Variants in PTPN13 observed in about 807,000 individuals in gnomAD.
PTPN13 encodes protein tyrosine phosphatase non-receptor type 13.
Under a neutral mutation model 284.0 loss-of-function variants are expected in PTPN13, and 191 were observed. The ratio of observed to expected loss-of-function variants is 0.67; its 90% CI spans 0.60 to 0.76. The LOEUF (loss-of-function observed/expected upper bound fraction) is 0.76, where lower values mean the gene tolerates loss of function less well. Among genes scored for constraint, PTPN13 ranks in the 30% least tolerant of loss-of-function variants. The pLI, the probability that PTPN13 is intolerant of heterozygous loss-of-function variation, is 0.00. For synonymous variants in PTPN13, 986 were observed against 1,022.3 expected (o/e 0.96, Z 0.68); for missense variants, 2,797 against 2,939.9 (o/e 0.95, Z 1.12).
chr4:86,780,647 T>C (rs1741199768), intron 36 of PTPN13, among the ~76,000 whole-genome samples, 175 bp downstream of exon 36: 1 of 152,178 alleles, frequency 6.6e-6, no homozygotes, highest in South Asian at 2.1e-4. Flanking sequence ...ATATTCTACA[T>C]AAAAACTTGG....
In PTPN13 at chr4:86,686,712, C is replaced by T; in HGVS notation, c.297C>T (p.Ile99=). ...SLTSLSDVEK[I]HIYSLGMTLY... ...TTTCTTAAAAATTCTATTCCTAGATCCACATTTATTCTCTTGGAATGACAC... is the reference window on the plus strand; with the variant it reads ...TTTCTTAAAAATTCTATTCCTAGATTCACATTTATTCTCTTGGAATGACAC... Residue 99 remains isoleucine (I), a splice_region_variant and synonymous_variant, in exon 4 of 48, where the codon ATC becomes ATT. Coordinates refer to ENST00000411767, the MANE Select transcript of PTPN13 (RefSeq NM_080683.3). 2.6e-6 allele frequency: 4 copies of T among 1,552,360 alleles called. No individual in the cohort carries two copies. The highest frequency in any genetic ancestry group is 3.5e-6 in the Non-Finnish European group (4 of 1,143,614).
At chr4:86,617,758 A>G (rs527377392) in intron 1 of PTPN13, among the ~76,000 whole-genome samples, 1 of 152,098 alleles carries the variant, frequency 6.6e-6, no homozygotes, top group East Asian at 1.9e-4. Context: ...GATATCCTTC[A>G]CCCACTTTTT....
At chr4:86,683,953 AAGAAGC>A (rs1295075381) in intron 3 of PTPN13, among the ~76,000 whole-genome samples, 1 of 152,222 alleles carries the variant, frequency 6.6e-6, no homozygotes, top group Non-Finnish European at 1.5e-5. Flanking sequence ...ACTATTTGGA[AAGAAGC>A]TTAAAGAGAA....
At chr4:86,689,353 C>T (rs1729780494) in intron 5 of PTPN13, among the ~76,000 whole-genome samples, 163 bp downstream of exon 5, 1 of 152,026 alleles carries the variant, frequency 6.6e-6, no homozygotes, top group Non-Finnish European at 1.5e-5. Context: ...TGAAACAATA[C>T]TTAAAATTTA....
intron 23 of PTPN13, among the ~76,000 whole-genome samples, chr4:86,762,071 C>T (rs1481686437): frequency 6.6e-6 from 1 of 152,226 alleles, no homozygotes; most frequent in Non-Finnish European, 1.5e-5. Context: ...CTCCCAGGTT[C>T]AAGTGATTCT....
At chr4:86,739,969 G>A (rs11930689) in intron 15 of PTPN13, among the ~76,000 whole-genome samples, 7,033 of 152,264 alleles carry the variant, frequency 0.046, 539 homozygotes, top group African/African-American at 0.16. Context: ...TCTCACATCC[G>A]GGTCAAGCTG....
At chr4:86,624,499 A>G (rs763560204) in intron 1 of PTPN13, among the ~76,000 whole-genome samples, 19 of 152,216 alleles carry the variant, frequency 1.2e-4, no homozygotes, top group Non-Finnish European at 1.3e-4. Flanking sequence ...CACTCAAAAT[A>G]GCCCTTTGTT....
chr4:86,754,326 A>G (rs1263698141), intron 20 of PTPN13, among the ~76,000 whole-genome samples: 1 of 152,104 alleles, frequency 6.6e-6, no homozygotes, highest in African/African-American at 2.4e-5. Flanking sequence ...GACTGAATTT[A>G]GAATGCCTAT....
intron 7 of PTPN13, among the ~76,000 whole-genome samples, chr4:86,704,210 T>C (rs1239869088): frequency 6.6e-6 from 1 of 152,132 alleles, no homozygotes. Flanking sequence ...TAATTTCTAA[T>C]GTTTTTATGT....
intron 35 of PTPN13, among the ~76,000 whole-genome samples, chr4:86,779,080 A>T (rs1165738287): frequency 6.6e-6 from 1 of 151,350 alleles, no homozygotes; most frequent in Admixed American, 6.6e-5. Context: ...AAAAAAAAAA[A>T]GATGACAAAG....
chr4:86,647,888 T>G (rs1408746464), intron 2 of PTPN13, among the ~76,000 whole-genome samples: 1 of 152,082 alleles, frequency 6.6e-6, no homozygotes, highest in Non-Finnish European at 1.5e-5. Context: ...GATTTTGCAC[T>G]TTTACAAAAG....
In PTPN13 at chr4:86,741,673, C is replaced by T. The variant is rs762140929; in HGVS notation, c.2344C>T (p.Arg782Ter). 11 of 1,613,476 alleles carry T rather than the reference C, an allele frequency of 6.8e-6. No individual in the cohort carries two copies. The Admixed American group carries it at 1.0e-4, about 15-fold the overall frequency. ...GACAGAATATGGAGTTCATTTTCACCGAGTGCACCCTGAGAAGAAGTCACA... is the reference window on the plus strand; with the variant it reads ...GACAGAATATGGAGTTCATTTTCACTGAGTGCACCCTGAGAAGAAGTCACA... ...RLTEYGVHFH[R>*]VHPEKKSQTG... Residue 782 changes from arginine to a stop codon, truncating the protein, a stop_gained, in exon 16 of 48, where the codon CGA becomes TGA. Transcript: ENST00000411767. LOFTEE classifies it high-confidence loss of function.
chr4:86,606,543 TCTC>T lies in PTPN13; in HGVS notation c.-6+11758_-6+11760del, dbSNP rs1045544483. On this transcript the variant is annotated intron_variant, in intron 1 of 47. Coordinates refer to ENST00000411767, the MANE Select transcript of PTPN13 (RefSeq NM_080683.3). ...AATGAAATAATGAAAATAATTCTAT[TCTC>T]CTCTTACAAATTAGCATTATACTTG... Among the ~76,000 whole-genome samples the T allele has an allele frequency of 2.2e-4, 34 of 151,862 alleles. 1 individual carries two copies. Among genetic ancestry groups the T allele is most frequent in the Non-Finnish European group, 1.9e-4 (13 of 67,782 alleles).
chr4:86,734,897 A>G, intron 14 of PTPN13, 22 bp downstream of exon 14: 1 of 1,602,534 alleles, frequency 6.2e-7, no homozygotes, highest in Non-Finnish European at 8.5e-7. Flanking sequence ...GTTTTTTTCC[A>G]GGACCATTTT....
Position 86,807,874 on chromosome 4 carries a change from G to A in PTPN13, c.7060G>A (p.Ala2354Thr), listed in dbSNP as rs765971016. Residue 2354 changes from alanine (A) to threonine (T), a missense_variant, in exon 45 of 48, where the codon GCA becomes ACA. Ala to Thr is a moderately conservative substitution (Grantham distance 58, BLOSUM62 0). Transcript: ENST00000411767. ...MQQLKGFVVR[A>T]MTLEDIQTRE... ...GCAGCTGAAGGGCTTTGTGGTGAGG[G>A]CAATGACCCTTGAAGATATTCAGGT... is the stretch of plus-strand genomic sequence containing the variant. 1.7e-5 allele frequency: 27 copies of A among 1,613,022 alleles called. No individual in the cohort carries two copies. The highest frequency in any genetic ancestry group is 2.2e-5 in the Non-Finnish European group (26 of 1,179,342).
intron 7 of PTPN13, among the ~76,000 whole-genome samples, chr4:86,706,956 C>T (rs924898517): frequency 6.6e-6 from 1 of 151,902 alleles, no homozygotes; most frequent in Non-Finnish European, 1.5e-5. Context: ...TATTTTCTAC[C>T]TCTTCAACTC....
Position 86,751,283 on chromosome 4 carries a change from C to T in PTPN13, c.3166+159C>T, listed in dbSNP as rs142477547. On this transcript the variant is annotated intron_variant, in intron 19 of 47. Coordinates refer to ENST00000411767, the MANE Select transcript of PTPN13 (RefSeq NM_080683.3). ...CTTAAAATGCACCAAATCAAATTAC[C>T]ACTTGATTTAACAAGTGATTGCTTC... Among the ~76,000 whole-genome samples the T allele has an allele frequency of 3.4e-4, 52 of 152,216 alleles. 1 individual carries two copies. The highest frequency in any genetic ancestry group is 1.2e-3 in the African/African-American group (50 of 41,518).
At chr4:86,746,389 A>G (rs1399211938) in intron 17 of PTPN13, among the ~76,000 whole-genome samples, 4 of 152,204 alleles carry the variant, frequency 2.6e-5, no homozygotes, top group African/African-American at 7.2e-5. Flanking sequence ...GCAGGGTCCT[A>G]TGAATTCTTT....
chr4:86,791,788 A>T (rs1742704744), intron 40 of PTPN13, among the ~76,000 whole-genome samples: 1 of 152,210 alleles, frequency 6.6e-6, no homozygotes, highest in Non-Finnish European at 1.5e-5. Context: ...GGAAACTAAC[A>T]AACAGAAAGG....
Sources: gnomAD v4.1 joint callset for allele counts (sites outside exome capture counted in the v4.1 genomes callset) on GRCh38, gnomAD v4.1.1 for gene constraint, MANE v1.5 for transcripts, NCBI Gene and HGNC (gene_info 2026-07-23, HGNC 2026-07-21) for gene names.